Variants in APAF1 observed in about 807,000 individuals in gnomAD.
APAF1 encodes the protein apoptotic peptidase activating factor 1.
Under a neutral mutation model 152.4 loss-of-function variants are expected in APAF1, and 91 were observed. The ratio of observed to expected loss-of-function variants is 0.60; its 90% CI spans 0.50 to 0.71. The LOEUF is 0.71. Ranked by LOEUF, APAF1 falls within the 30% of genes least tolerant of loss-of-function variation. The pLI, the probability that APAF1 is intolerant of heterozygous loss-of-function variation, is 0.00. For missense variants in APAF1, 1,283 were observed against 1,472.0 expected, an observed-to-expected ratio of 0.87 and a Z score of 2.10; for synonymous variants, 484 against 494.1, an observed-to-expected ratio of 0.98 and a Z score of 0.27.
At chr12:98,693,320 C>T (rs968856633) in intron 16 of APAF1, among the ~76,000 whole-genome samples, 3 of 152,046 alleles carry the variant, frequency 2.0e-5, no homozygotes, top group South Asian at 2.1e-4. Context: ...TCTCAAACTC[C>T]TGGCCTCAAG....
chr12:98,651,698 T>A (rs1276337797), intron 4 of APAF1, among the ~76,000 whole-genome samples: 1 of 152,230 alleles, frequency 6.6e-6, no homozygotes, highest in African/African-American at 2.4e-5. Flanking sequence ...TGTCACCCTG[T>A]TGCCCAGGCT....
intron 18 of APAF1, among the ~76,000 whole-genome samples, chr12:98,704,969 A>C (rs1161929804): frequency 1.3e-5 from 2 of 151,830 alleles, no homozygotes; most frequent in African/African-American, 4.8e-5. Context: ...TTTTTCATGG[A>C]GATAGGGTTT....
intron 26 of APAF1, 134 bp downstream of exon 26, chr12:98,727,450 G>A (rs1017688342): frequency 1.0e-6 from 1 of 985,744 alleles, no homozygotes; most frequent in African/African-American, 1.6e-5. Context: ...CGGAGGCTAA[G>A]GTGGGAGGAT....
chr12:98,651,319 T>C (rs2097648659), intron 4 of APAF1, among the ~76,000 whole-genome samples: 1 of 152,372 alleles, frequency 6.6e-6, no homozygotes, highest in South Asian at 2.1e-4. Flanking sequence ...ATGTATTTAA[T>C]GTATGTTCTT....
chr12:98,727,494 C>T (rs1395769137), intron 26 of APAF1, among the ~76,000 whole-genome samples, 178 bp downstream of exon 26: 1 of 150,446 alleles, frequency 6.6e-6, no homozygotes, highest in Non-Finnish European at 1.5e-5. Flanking sequence ...CTGCTTTGAG[C>T]CATGCTTGCG....
At chr12:98,689,648 A>AT (rs1171065887) in intron 16 of APAF1, among the ~76,000 whole-genome samples, 9 of 151,986 alleles carry the variant, frequency 5.9e-5, no homozygotes, top group African/African-American at 2.2e-4. Context: ...TTTTGTAGAG[A>AT]TGGGGCCTCC....
chr12:98,654,903 A>G (rs1410519990), intron 4 of APAF1, among the ~76,000 whole-genome samples: 10 of 124,196 alleles, frequency 8.1e-5, no homozygotes, highest in Non-Finnish European at 1.2e-4. Flanking sequence ...GTCATGGGAC[A>G]ATAGTGGAGG....
intron 4 of APAF1, 41 bp downstream of exon 4, chr12:98,649,725 A>G (rs774892171): frequency 1.8e-5 from 28 of 1,543,132 alleles, no homozygotes; most frequent in Non-Finnish European, 2.5e-5. Flanking sequence ...TAAGGTAGAT[A>G]GACATGTAAA....
chr12:98,665,560 C>A lies in APAF1; in HGVS notation c.963C>A (p.Pro321=). 1 of 1,611,318 alleles carries A rather than the reference C, an allele frequency of 6.2e-7. No individual in the cohort carries two copies. The highest frequency in any genetic ancestry group is 1.1e-5 in the South Asian group (1 of 90,972). The change falls in exon 8 of 27, where the codon CCC becomes CCA. Residue 321 remains proline, a synonymous_variant. Coordinates refer to ENST00000551964, the MANE Select transcript of APAF1 (RefSeq NM_181861.2). ...TTCATTTTTTTTTTAAAGGCTCTCC[C>A]CTTGTAGTATCTTTAATTGGTGCAC... The part of the protein sequence containing the change: ...HSIIKECKGS[P]LVVSLIGALL...
intron 10 of APAF1, among the ~76,000 whole-genome samples, chr12:98,670,409 A>G (rs1281156744): frequency 3.3e-5 from 5 of 151,000 alleles, no homozygotes; most frequent in African/African-American, 9.8e-5. Flanking sequence ...TCCTTTACCT[A>G]TTTTTTCTCT....
intron 16 of APAF1, among the ~76,000 whole-genome samples, chr12:98,691,297 A>G (rs1028610366): frequency 6.6e-6 from 1 of 151,478 alleles, no homozygotes; most frequent in Non-Finnish European, 1.5e-5. Context: ...TTTCCTCTCT[A>G]TGTTGCTTCT....
intron 22 of APAF1, among the ~76,000 whole-genome samples, chr12:98,719,146 C>T (rs987985963): frequency 1.3e-5 from 2 of 152,186 alleles, no homozygotes; most frequent in Middle Eastern, 3.2e-3. Flanking sequence ...CTGTACCTCA[C>T]ACTCAGTGTC....
At chr12:98,715,213 G>T (rs1392304058) in intron 21 of APAF1, among the ~76,000 whole-genome samples, 1 of 115,446 alleles carries the variant, frequency 8.7e-6, no homozygotes, top group Non-Finnish European at 1.7e-5. Flanking sequence ...CAATATGTTT[G>T]CATGTAGGCA....
intron 4 of APAF1, among the ~76,000 whole-genome samples, chr12:98,653,688 AAAAATAT>A (rs2097652260): frequency 3.1e-5 from 2 of 63,894 alleles, no homozygotes; most frequent in Middle Eastern, 5.6e-3. Flanking sequence ...AAAAAAAAAA[AAAAATAT>A]ATATATATAT....
Position 98,648,690 on chromosome 12 carries a change from A to C in APAF1, c.203A>C (p.Tyr68Ser), listed in dbSNP as rs1297807608. The C allele has an allele frequency of 1.9e-6, 3 of 1,613,896 alleles. No homozygotes were observed. The highest frequency in any genetic ancestry group is 2.5e-6 in the Non-Finnish European group (3 of 1,179,878). The change falls in exon 3 of 27, where the codon TAC becomes TCC. Residue 68 changes from tyrosine to serine, a missense_variant. Physicochemically the swap from Tyr to Ser is moderately radical, Grantham distance 144. Coordinates refer to ENST00000551964, the MANE Select transcript of APAF1 (RefSeq NM_181861.2). Reference sequence around the variant, plus strand: ...ATACTTAAAAAAGATAATGATTCCTACGTATCATTCTACAATGCTCTACTA... The same window carrying C: ...ATACTTAAAAAAGATAATGATTCCTCCGTATCATTCTACAATGCTCTACTA... ...KMILKKDNDS[Y>S]VSFYNALLHE...
At chr12:98,716,277 C>A (rs7314884) in intron 22 of APAF1, among the ~76,000 whole-genome samples, 3,650 of 152,254 alleles carry the variant, frequency 0.024, 129 homozygotes, top group African/African-American at 0.084. Context: ...CTTTTTTCCG[C>A]CTTCCACCTG....
rs371065242 is a variant in APAF1 at position 98,693,616 on chromosome 12, A to C, written c.2305-5792A>C. On this transcript the variant is annotated intron_variant, in intron 16 of 26. Coordinates refer to ENST00000551964, the MANE Select transcript of APAF1 (RefSeq NM_181861.2). ...GCTCCTTAAATGATTCAAACTTACC[A>C]GGCATTTTATAAGTCTTTTCTTGGA... Among the ~76,000 whole-genome samples the C allele has an allele frequency of 1.8e-4, 27 of 152,260 alleles. 1 individual carries two copies. The East Asian group carries it at 4.6e-3, about 26-fold the overall frequency.
chr12:98,680,397 G>C lies in APAF1; in HGVS notation c.2041G>C (p.Val681Leu). 1.9e-6 allele frequency: 3 copies of C among 1,613,128 alleles called. No individual in the cohort carries two copies. Among genetic ancestry groups the C allele is most frequent in the Non-Finnish European group, 2.5e-6 (3 of 1,179,972 alleles). ...AGCAACCTGCTCAGTGGATAAAAAAGTGAAGGTAGGAAAATCTTTTCCTCT... is the reference window on the plus strand; with the variant it reads ...AGCAACCTGCTCAGTGGATAAAAAACTGAAGGTAGGAAAATCTTTTCCTCT... ...FIATCSVDKK[V>L]KIWNSMTGEL... Residue 681 changes from valine to leucine, a missense_variant, in exon 14 of 27, where the codon GTG (valine) becomes CTG (leucine). Val to Leu is a conservative substitution (Grantham distance 32). Transcript: ENST00000551964.
chr12:98,693,076 A>C (rs1367753678), intron 16 of APAF1, among the ~76,000 whole-genome samples: 3 of 150,468 alleles, frequency 2.0e-5, no homozygotes, highest in East Asian at 3.9e-4. Flanking sequence ...AAAAAAAAAA[A>C]ACAACACATA....
Sources: gnomAD v4.1 joint callset for allele counts (sites outside exome capture counted in the v4.1 genomes callset) on GRCh38, gnomAD v4.1.1 for gene constraint, MANE v1.5 for transcripts, NCBI Gene and HGNC (gene_info 2026-07-23, HGNC 2026-07-21) for gene names.